The following HEPHL1 variants were observed in gnomAD, a reference collection of about 807,000 sequenced individuals.
HEPHL1 encodes hephaestin like 1.
In HEPHL1, 123 loss-of-function variants were observed where a neutral mutation model predicts 122.0. The observed-to-expected ratio is 1.01, with a 90% CI of 0.87 to 1.17. The LOEUF is 1.17. Ranked by LOEUF, HEPHL1 falls within the 50% of genes most tolerant of loss-of-function variation. The pLI, the probability that HEPHL1 is intolerant of heterozygous loss-of-function variation, is 0.00. For synonymous variants in HEPHL1, 527 were observed against 508.9 expected (o/e 1.04, Z -0.48); for missense variants, 1,452 against 1,430.5 (o/e 1.01, Z -0.24).
At chr11:94,042,882 A>AAAAAAAAAAAAAAAAC (rs1449884226) in intron 1 of HEPHL1, among the ~76,000 whole-genome samples, 5 of 136,890 alleles carry the variant, frequency 3.7e-5, no homozygotes, top group African/African-American at 1.1e-4. Flanking sequence ...TAATAAAAAA[A>AAAAAAAAAAAAAAAAC]AAAAAAAAAA....
chr11:94,051,133 T>C (rs1945886830), intron 2 of HEPHL1, among the ~76,000 whole-genome samples: 1 of 152,104 alleles, frequency 6.6e-6, no homozygotes, highest in African/African-American at 2.4e-5. Flanking sequence ...TGATTTCCTT[T>C]TTGGGGGGTA....
At chr11:94,027,592 T>C (rs193283782) in intron 1 of HEPHL1, among the ~76,000 whole-genome samples, 36 of 152,340 alleles carry the variant, frequency 2.4e-4, no homozygotes, top group East Asian at 1.9e-4. Flanking sequence ...CCTCTTCTCA[T>C]TGAATCCTTA....
At position 94,102,920 on chromosome 11, in the gene HEPHL1, TAA is replaced by T; in HGVS notation, c.2586_2587del (p.Lys862AsnfsTer3). The stretch of plus-strand genomic sequence containing the variant: ...TCCATTTCATTTATTACAGGAGAAG[TAA>T]AAACTTATAGATGGAATATCCCTAA... On this transcript the variant is annotated frameshift_variant, in exon 15 of 20. Transcript: ENST00000315765. LOFTEE classifies it high-confidence loss of function. The T allele has an allele frequency of 1.9e-6, 3 of 1,552,138 alleles. No individual in the cohort carries two copies. Among genetic ancestry groups the T allele is most frequent in the Non-Finnish European group, 2.7e-6 (3 of 1,125,354 alleles).
intron 1 of HEPHL1, among the ~76,000 whole-genome samples, chr11:94,036,440 G>A (rs1945724170): frequency 6.6e-6 from 1 of 152,130 alleles, no homozygotes; most frequent in South Asian, 2.1e-4. Flanking sequence ...TGAGGGATGG[G>A]AAGAGTTGGT....
At chr11:94,039,635 G>A (rs1432328786) in intron 1 of HEPHL1, among the ~76,000 whole-genome samples, 2,283 of 151,764 alleles carry the variant, frequency 0.015, 26 homozygotes, top group Non-Finnish European at 0.024. Flanking sequence ...GGTACATAAC[G>A]AAATGAAGGC....
chr11:94,110,639 T>C (rs1946440708), intron 17 of HEPHL1, among the ~76,000 whole-genome samples: 1 of 152,222 alleles, frequency 6.6e-6, no homozygotes. Context: ...CCACAAAGGT[T>C]ATGAATACCA....
At chr11:94,031,732 C>A (rs2134405104) in intron 1 of HEPHL1, among the ~76,000 whole-genome samples, 1 of 152,336 alleles carries the variant, frequency 6.6e-6, no homozygotes, top group African/African-American at 2.4e-5. Flanking sequence ...CATCGGGGGT[C>A]TAAACCCATG....
At chr11:94,059,598 C>T (rs1323690569) in intron 2 of HEPHL1, among the ~76,000 whole-genome samples, 1 of 152,170 alleles carries the variant, frequency 6.6e-6, no homozygotes, top group East Asian at 1.9e-4. Context: ...TTTATACTTT[C>T]ATATTGTTAA....
intron 1 of HEPHL1, among the ~76,000 whole-genome samples, chr11:94,043,258 G>A (rs991010842): frequency 6.6e-6 from 1 of 152,050 alleles, no homozygotes; most frequent in Admixed American, 6.6e-5. Flanking sequence ...GAGATTAGAG[G>A]AACAAACAAC....
chr11:94,068,102 C>T (rs551910921), intron 5 of HEPHL1, among the ~76,000 whole-genome samples: 4 of 152,272 alleles, frequency 2.6e-5, no homozygotes, highest in Non-Finnish European at 4.4e-5. Context: ...CTGGAGCAAT[C>T]AGAGGGGCTT....
chr11:94,063,383 C>G, intron 2 of HEPHL1, 125 bp from the exon 3 acceptor site: 2 of 747,840 alleles, frequency 2.7e-6, no homozygotes, highest in Non-Finnish European at 4.3e-6. Context: ...TGCCTCAAGT[C>G]CCATAGCAAA....
At chr11:94,052,253 C>T (rs1167558926) in intron 2 of HEPHL1, among the ~76,000 whole-genome samples, 1 of 152,074 alleles carries the variant, frequency 6.6e-6, no homozygotes. Context: ...AATCCATGAA[C>T]ATGAAATGTT....
intron 1 of HEPHL1, among the ~76,000 whole-genome samples, chr11:94,036,028 G>A (rs1403128167): frequency 1.3e-5 from 2 of 152,204 alleles, no homozygotes; most frequent in African/African-American, 2.4e-5. Flanking sequence ...GAGCCAACGC[G>A]CCCAGCCTGA....
rs565486687 is a variant in HEPHL1, at chr11:94,076,980, C to A, written c.1716+1595C>A. Among the ~76,000 whole-genome samples the A allele has an allele frequency of 2.0e-5, 3 of 152,282 alleles. No homozygotes were observed. The East Asian group carries it at 5.8e-4, about 29-fold the overall frequency. On this transcript the variant is annotated intron_variant, in intron 9 of 19. Transcript: ENST00000315765. Reference sequence around the variant, plus strand: ...GATCTCACACTTTTTTGGAAATAATCTGACTTATGAAAAAGTAGAAAAAAT... The same window carrying A: ...GATCTCACACTTTTTTGGAAATAATATGACTTATGAAAAAGTAGAAAAAAT...
Position 94,093,553 on chromosome 11 carries a change from A to T in HEPHL1, c.2347A>T (p.Lys783Ter). 1 of 1,613,804 alleles carries T rather than the reference A, an allele frequency of 6.2e-7. No individual in the cohort carries two copies. Among genetic ancestry groups the T allele is most frequent in the Non-Finnish European group, 8.5e-7 (1 of 1,179,822 alleles). Residue 783 changes from lysine (K) to a stop codon, truncating the protein, a stop_gained, in exon 13 of 20, where the codon AAG (lysine) becomes TAG (stop). Transcript: ENST00000315765. LOFTEE classifies it high-confidence loss of function. ...RTENWIGSQY[K>*]KVVYREYTDG... Reference sequence around the variant, plus strand: ...TGAAAATTGGATTGGCTCTCAGTACAAGAAGGTGGTTTACAGGGAATATAC... The same window carrying T: ...TGAAAATTGGATTGGCTCTCAGTACTAGAAGGTGGTTTACAGGGAATATAC...
intron 5 of HEPHL1, 96 bp downstream of exon 5, chr11:94,067,846 C>G (rs10765650): frequency 2.0e-6 from 2 of 1,024,270 alleles, no homozygotes; most frequent in Non-Finnish European, 2.9e-6. Context: ...TTAGATAGAG[C>G]CTTGTATGTA....
chr11:94,067,622 C>A lies in HEPHL1; in HGVS notation c.935C>A (p.Thr312Asn), dbSNP rs747521269. 11 of 1,613,788 alleles carry A rather than the reference C, an allele frequency of 6.8e-6. No individual in the cohort carries two copies. The highest frequency in any genetic ancestry group is 3.3e-5 in the South Asian group (3 of 91,078). Residue 312 changes from threonine (T) to asparagine (N), a missense_variant, in exon 5 of 20, where the codon ACC becomes AAC. By Grantham distance (65) the Thr-to-Asn change is moderately conservative. Coordinates refer to ENST00000315765, the MANE Select transcript of HEPHL1 (RefSeq NM_001098672.2). Reference sequence around the variant, plus strand: ...CATTCTATCTATTTCTATGGTAACACCTTCATCAGCAGAGGGCATCGGACT... The same window carrying A: ...CATTCTATCTATTTCTATGGTAACAACTTCATCAGCAGAGGGCATCGGACT... The part of the protein sequence containing the change: ...DIHSIYFYGN[T>N]FISRGHRTDV...
chr11:94,045,916 A>C lies in HEPHL1; in HGVS notation c.414A>C (p.Glu138Asp). 6.2e-7 allele frequency: 1 copy of C among 1,613,542 alleles called. No homozygotes were observed. Among genetic ancestry groups the C allele is most frequent in the Non-Finnish European group, 8.5e-7 (1 of 1,179,694 alleles). ...PHGVFYNKDS[E>D]GALYPDGTSG... The stretch of plus-strand genomic sequence containing the variant: ...GCGTTTTCTACAACAAAGATTCAGA[A>C]GGTAAATATCAATCCTTTATTACTG... The change falls in exon 2 of 20, where the codon GAA becomes GAC. Residue 138 changes from glutamate to aspartate, a missense_variant and splice_region_variant. Coordinates refer to ENST00000315765, the MANE Select transcript of HEPHL1 (RefSeq NM_001098672.2).
At position 94,103,116 on chromosome 11, in the gene HEPHL1, A is replaced by G. The variant is rs530178902; in HGVS notation, c.2682+96A>G. On this transcript the variant is annotated intron_variant, in intron 15 of 19. Coordinates refer to ENST00000315765, the MANE Select transcript of HEPHL1 (RefSeq NM_001098672.2). ...TTTGGGTTGGTATATGTGAAAGCGT[A>G]TAATGATTTAGAGCAAGGGTCTCAT... 23 of 735,012 alleles carry G rather than the reference A, an allele frequency of 3.1e-5. No individual in the cohort carries two copies. The East Asian group carries it at 5.7e-4, about 18-fold the overall frequency. The allele number at this position is 735,012 out of a possible 1,614,324, so 45.5% of individuals were successfully genotyped here. A position where few individuals can be genotyped will look rare whatever the true frequency, so the allele number is the denominator to read the frequency against.
Sources: gnomAD v4.1 joint callset for allele counts (sites outside exome capture counted in the v4.1 genomes callset) on GRCh38, gnomAD v4.1.1 for gene constraint, MANE v1.5 for transcripts, NCBI Gene and HGNC (gene_info 2026-07-23, HGNC 2026-07-21) for gene names.